PLD1: variants seen among roughly 807,000 people sequenced by gnomAD.
PLD1 encodes the protein phospholipase D1.
A neutral mutation model predicts 137.1 loss-of-function variants in PLD1; 112 were observed. The ratio of observed to expected loss-of-function variants is 0.82; its 90% CI spans 0.70 to 0.96. The LOEUF is 0.96. Ranked by LOEUF, PLD1 falls within the 40% of genes least tolerant of loss-of-function variation. The probability of loss-of-function intolerance (pLI) is 0.00; values close to 1 mark genes in which losing one functional copy is unlikely to be tolerated. For synonymous variants in PLD1, 431 were observed against 454.7 expected (o/e 0.95, Z 0.66); for missense variants, 1,321 against 1,342.0 (o/e 0.98, Z 0.24).
rs544662261 is a variant in PLD1 at position 171,729,712 on chromosome 3, G to C, written c.607-3636C>G. 7.2e-5 allele frequency among the ~76,000 whole-genome samples: 11 copies of C among 152,316 alleles called. No homozygotes were observed. In the East Asian group the frequency reaches 2.1e-3, roughly 29 times the overall value. On this transcript the variant is annotated intron_variant, in intron 6 of 26. Coordinates refer to ENST00000351298, the MANE Select transcript of PLD1 (RefSeq NM_002662.5). ...GGCCTAAAGTCCTTCTCAACGCTAA[G>C]ACTCAATCATAAGAAAGAAAATATT...
chr3:171,634,938 C>G (rs1734979668), intron 23 of PLD1, among the ~76,000 whole-genome samples: 1 of 152,112 alleles, frequency 6.6e-6, no homozygotes, highest in African/African-American at 2.4e-5. Flanking sequence ...ACACCCCATT[C>G]CACTCTCCTC....
intron 19 of PLD1, among the ~76,000 whole-genome samples, chr3:171,671,747 A>T (rs907754233): frequency 6.6e-6 from 1 of 152,070 alleles, no homozygotes; most frequent in Admixed American, 6.6e-5. Context: ...AAAGGTGCTA[A>T]GGAGTCCTGT....
rs911614593 is a variant in PLD1 at position 171,644,836 on chromosome 3, C to T, written c.2543+74G>A. 1.8e-4 allele frequency: 158 copies of T among 862,882 alleles called. 1 individual carries two copies. Among genetic ancestry groups the T allele is most frequent in the Admixed American group, 6.9e-4 (40 of 58,378 alleles). The allele number at this position is 862,882 out of a possible 1,614,324, so 53.5% of individuals were successfully genotyped here. The stretch of plus-strand genomic sequence containing the variant: ...ACTCCACCGAATGGATGTGGAGAAA[C>T]ACTGCCATTCCCTTCATCAGCTTAC... On this transcript the variant is annotated intron_variant, in intron 22 of 26. Transcript: ENST00000351298.
At chr3:171,744,813 C>T (rs1720029661) in intron 1 of PLD1, among the ~76,000 whole-genome samples, 1 of 152,108 alleles carries the variant, frequency 6.6e-6, no homozygotes, top group African/African-American at 2.4e-5. Context: ...ATGATCTATC[C>T]CAGCCATTTT....
At chr3:171,632,636 G>A (rs1734768473) in intron 23 of PLD1, among the ~76,000 whole-genome samples, 1 of 152,134 alleles carries the variant, frequency 6.6e-6, no homozygotes, top group Non-Finnish European at 1.5e-5. Context: ...TCTTTCTATT[G>A]AGAGAGAATG....
chr3:171,726,508 T>C (rs1718522102), intron 6 of PLD1, among the ~76,000 whole-genome samples: 1 of 151,924 alleles, frequency 6.6e-6, no homozygotes, highest in Non-Finnish European at 1.5e-5. Context: ...CAGTGTGAAA[T>C]GGGAGATGAA....
At position 171,600,879 on chromosome 3, in the gene PLD1, T is replaced by C. The variant is rs2108239221; in HGVS notation, c.*2199A>G. 1 of 152,326 alleles carries C rather than the reference T, an allele frequency of 6.6e-6. No individual in the cohort carries two copies. The highest frequency in any genetic ancestry group is 1.5e-5 in the Non-Finnish European group (1 of 68,028). 9.4% of individuals were successfully genotyped at this position (152,326 alleles called of 1,614,324 possible). On this transcript the variant is annotated 3_prime_UTR_variant, in exon 27 of 27. Transcript: ENST00000351298. The stretch of plus-strand genomic sequence containing the variant: ...CTTGTTTATTAATTCTACAAGCATT[T>C]ATTGCCATCTCCTATGTGCCAAGCA...
intron 1 of PLD1, among the ~76,000 whole-genome samples, chr3:171,799,125 G>A (rs1216823133): frequency 6.6e-6 from 1 of 152,118 alleles, no homozygotes; most frequent in African/African-American, 2.4e-5. Flanking sequence ...TGGATCACAA[G>A]GTCAGGAGTT....
chr3:171,699,909 A>C, intron 11 of PLD1, 83 bp from the exon 12 acceptor site: 1 of 1,052,790 alleles, frequency 9.5e-7, no homozygotes, highest in Non-Finnish European at 1.5e-6. Context: ...AGGCAATTTC[A>C]GCCCAATTCA....
At chr3:171,803,435 C>T (rs760618676) in intron 1 of PLD1, among the ~76,000 whole-genome samples, 8 of 152,124 alleles carry the variant, frequency 5.3e-5, no homozygotes, top group African/African-American at 9.7e-5. Flanking sequence ...CAACCAGGTC[C>T]GGGTGGAGGA....
intron 23 of PLD1, among the ~76,000 whole-genome samples, chr3:171,641,403 T>G (rs1369224845): frequency 6.6e-6 from 1 of 152,216 alleles, no homozygotes; most frequent in Non-Finnish European, 1.5e-5. Context: ...TTCCTGCTGA[T>G]GTCCTAATTT....
At chr3:171,797,471 T>C (rs1723478378) in intron 1 of PLD1, among the ~76,000 whole-genome samples, 1 of 152,130 alleles carries the variant, frequency 6.6e-6, no homozygotes, top group South Asian at 2.1e-4. Flanking sequence ...ACCTACTGAA[T>C]CAGAAACTCT....
chr3:171,719,777 G>A (rs1717957043), intron 8 of PLD1, among the ~76,000 whole-genome samples: 1 of 152,152 alleles, frequency 6.6e-6, no homozygotes, highest in Non-Finnish European at 1.5e-5. Flanking sequence ...TTAAGCAGAT[G>A]TTTTAGATTG....
chr3:171,797,539 TAG>T (rs1350767271), intron 1 of PLD1, among the ~76,000 whole-genome samples: 1 of 152,060 alleles, frequency 6.6e-6, no homozygotes, highest in Non-Finnish European at 1.5e-5. Flanking sequence ...TGGTGCACAG[TAG>T]AGTGTGAGAA....
At chr3:171,746,075 G>C (rs988904779) in intron 1 of PLD1, among the ~76,000 whole-genome samples, 63 of 152,286 alleles carry the variant, frequency 4.1e-4, no homozygotes, top group African/African-American at 1.4e-3. Context: ...CTGCCGGCCC[G>C]CCCCACTGCG....
intron 1 of PLD1, among the ~76,000 whole-genome samples, chr3:171,763,344 G>A (rs950465846): frequency 6.6e-6 from 1 of 150,988 alleles, no homozygotes; most frequent in African/African-American, 2.4e-5. Context: ...ATTAGCTTGA[G>A]CCCAGGAGGT....
chr3:171,612,411 C>T lies in PLD1; in HGVS notation c.2750G>A (p.Arg917His), dbSNP rs375638170. 35 of 1,613,990 alleles carry T rather than the reference C, an allele frequency of 2.2e-5. No homozygotes were observed. The highest frequency in any genetic ancestry group is 2.0e-4 in the East Asian group (9 of 44,882). Residue 917 changes from arginine to histidine, a missense_variant, in exon 25 of 27, where the codon CGC becomes CAC. Transcript: ENST00000351298. This position sits in a 1 kb window ranked among gnomAD's most constrained non-coding sequence, Gnocchi z 4.1. Reference protein sequence around the residue: ...VIIGSANINDRSMLGKRDSEM... With the variant: ...VIIGSANINDHSMLGKRDSEM... ...ACTGTCACGCTTTCCCAGCATGCTG[C>T]GGTCATTTATGTTGGCAGAGCCTGT...
chr3:171,638,538 G>A (rs1735358386), intron 23 of PLD1, among the ~76,000 whole-genome samples: 1 of 152,140 alleles, frequency 6.6e-6, no homozygotes, highest in Admixed American at 6.5e-5. Context: ...GGAAAAGTAT[G>A]TGAAGAATTG....
intron 1 of PLD1, among the ~76,000 whole-genome samples, chr3:171,739,327 T>C (rs1468445493): frequency 6.6e-6 from 1 of 152,152 alleles, no homozygotes; most frequent in African/African-American, 2.4e-5. Context: ...ACCTATACTT[T>C]TATGTCTGGG....
Sources: gnomAD v4.1 joint callset for allele counts (sites outside exome capture counted in the v4.1 genomes callset) on GRCh38, gnomAD v4.1.1 for gene constraint, Gnocchi (gnomAD v3.1) non-coding constraint, MANE v1.5 for transcripts, NCBI Gene and HGNC (gene_info 2026-07-23, HGNC 2026-07-21) for gene names.